The following DSCAM variants were observed in gnomAD, a reference collection of about 807,000 sequenced individuals.
The protein encoded by DSCAM is DS cell adhesion molecule.
In DSCAM, 47 loss-of-function variants were observed where a neutral mutation model predicts 217.7. The ratio of observed to expected loss-of-function variants is 0.22; its 90% CI spans 0.17 to 0.28. The LOEUF (loss-of-function observed/expected upper bound fraction) is 0.28. DSCAM is among the 10% of genes least tolerant of loss of function. DSCAM has a pLI of 1.00. For synonymous variants in DSCAM, 1,056 were observed against 1,015.3 expected, an observed-to-expected ratio of 1.04 and a Z score of -0.76; for missense variants, 2,080 against 2,618.3, an observed-to-expected ratio of 0.79 and a Z score of 4.49.
At chr21:40,659,478 CATCT>C (rs1400442600) in intron 3 of DSCAM, among the ~76,000 whole-genome samples, 12 of 151,978 alleles carry the variant, frequency 7.9e-5, no homozygotes, top group Non-Finnish European at 1.5e-5. Context: ...ATCTACTATC[CATCT>C]ATCTACTATT....
chr21:40,595,265 C>T (rs1201201257), intron 3 of DSCAM, among the ~76,000 whole-genome samples: 1 of 151,962 alleles, frequency 6.6e-6, no homozygotes, highest in Non-Finnish European at 1.5e-5. Flanking sequence ...GCAGTCCCAG[C>T]TACTCAGGAG....
chr21:40,788,079 C>T (rs1266703286), intron 1 of DSCAM, among the ~76,000 whole-genome samples: 2 of 152,230 alleles, frequency 1.3e-5, no homozygotes, highest in African/African-American at 4.8e-5. Flanking sequence ...CAGAATAAAA[C>T]ATGCTGTCCA....
rs371132896 is a variant in DSCAM, at chr21:40,455,063, G to A, written c.509-85818C>T. On this transcript the variant is annotated intron_variant, in intron 3 of 32. Transcript: ENST00000400454. ...CTACTAATCTAGTTATGCTTTCCCCGCTCCAAATAAACCTTTTGCAAGTAC... is the reference window on the plus strand; with the variant it reads ...CTACTAATCTAGTTATGCTTTCCCCACTCCAAATAAACCTTTTGCAAGTAC... Among the ~76,000 whole-genome samples, 9 of 152,200 alleles carry A rather than the reference G, an allele frequency of 5.9e-5. 1 individual carries two copies. The East Asian group carries it at 9.7e-4, about 16-fold the overall frequency.
chr21:40,647,911 T>A (rs1404824216), intron 3 of DSCAM, among the ~76,000 whole-genome samples: 2 of 152,162 alleles, frequency 1.3e-5, no homozygotes, highest in Non-Finnish European at 2.9e-5. Flanking sequence ...GTCTTCCACA[T>A]TGAATGTGCC....
chr21:40,493,090 G>C (rs1209572887), intron 3 of DSCAM, among the ~76,000 whole-genome samples: 1 of 152,164 alleles, frequency 6.6e-6, no homozygotes, highest in African/African-American at 2.4e-5. Flanking sequence ...CATGCAGAAT[G>C]CTGAAAGAAA....
chr21:40,285,863 C>T (rs1029268404), intron 10 of DSCAM, among the ~76,000 whole-genome samples: 1 of 152,114 alleles, frequency 6.6e-6, no homozygotes, highest in African/African-American at 2.4e-5. Flanking sequence ...ATCTTATCAC[C>T]TAATTGGAAA....
Position 40,342,145 on chromosome 21 carries a change from T to C in DSCAM, c.1211-2730A>G, listed in dbSNP as rs184585047. ...ATTGTTATATTAGACTGTTTGCCTT[T>C]TTGTTTTTGATTTGTTGTGGAATAC... On this transcript the variant is annotated intron_variant, in intron 6 of 32. Coordinates refer to ENST00000400454, the MANE Select transcript of DSCAM (RefSeq NM_001389.5). Among the ~76,000 whole-genome samples the C allele has an allele frequency of 4.4e-3, 670 of 152,332 alleles. 7 individuals carry two copies. The highest frequency in any genetic ancestry group is 0.019 in the South Asian group (90 of 4,822).
intron 3 of DSCAM, among the ~76,000 whole-genome samples, chr21:40,587,313 T>C (rs2076953736): frequency 6.6e-6 from 1 of 152,220 alleles, no homozygotes. Context: ...GGGTTATAAC[T>C]CACATAATCA....
chr21:40,751,801 A>T (rs188651078), intron 1 of DSCAM, among the ~76,000 whole-genome samples: 153 of 152,286 alleles, frequency 1.0e-3, no homozygotes, highest in Non-Finnish European at 1.9e-4. Context: ...GTGTAAAAAA[A>T]ATTAAGTTAC....
intron 11 of DSCAM, among the ~76,000 whole-genome samples, chr21:40,273,648 C>T (rs1301464682): frequency 3.3e-5 from 5 of 152,186 alleles, no homozygotes; most frequent in Non-Finnish European, 5.9e-5. Context: ...GTTTCTTAGT[C>T]AACTGGGGCT....
At chr21:40,392,841 G>A (rs780723654) in intron 3 of DSCAM, among the ~76,000 whole-genome samples, 2 of 152,158 alleles carry the variant, frequency 1.3e-5, no homozygotes, top group African/African-American at 2.4e-5. Context: ...GCATGACACA[G>A]CTTGGCCAGA....
At chr21:40,218,621 G>A (rs79790864) in intron 11 of DSCAM, among the ~76,000 whole-genome samples, 2,652 of 151,356 alleles carry the variant, frequency 0.018, 40 homozygotes, top group Non-Finnish European at 0.025. Flanking sequence ...CTATACATGA[G>A]CTTGGGATTT....
chr21:40,620,364 G>A (rs886335607), intron 3 of DSCAM, among the ~76,000 whole-genome samples: 3 of 95,922 alleles, frequency 3.1e-5, no homozygotes, highest in African/African-American at 1.2e-4. Context: ...AGAGAAAAAA[G>A]AAAAAGAAAG....
chr21:40,800,433 C>T (rs2091729603), intron 1 of DSCAM, among the ~76,000 whole-genome samples: 1 of 151,954 alleles, frequency 6.6e-6, no homozygotes, highest in African/African-American at 2.4e-5. Flanking sequence ...GCTTAGAAGG[C>T]AAGAAAACTA....
At chr21:40,647,753 T>C (rs1392138707) in intron 3 of DSCAM, among the ~76,000 whole-genome samples, 1 of 152,242 alleles carries the variant, frequency 6.6e-6, no homozygotes, top group African/African-American at 2.4e-5. Context: ...CTATTTTTCA[T>C]TTCATAATGC....
chr21:40,624,367 T>C (rs1159559813), intron 3 of DSCAM, among the ~76,000 whole-genome samples: 4 of 152,190 alleles, frequency 2.6e-5, no homozygotes, highest in Non-Finnish European at 5.9e-5. Flanking sequence ...AAGAACTGCC[T>C]CATGCAAACA....
At chr21:40,158,076 C>T (rs575289050) in intron 16 of DSCAM, among the ~76,000 whole-genome samples, 16 of 152,188 alleles carry the variant, frequency 1.1e-4, no homozygotes, top group South Asian at 8.3e-4. Context: ...TAGGTATTTG[C>T]GAGGAGAATA....
intron 25 of DSCAM, among the ~76,000 whole-genome samples, chr21:40,079,443 G>T (rs551163940): frequency 6.6e-6 from 1 of 152,202 alleles, no homozygotes; most frequent in African/African-American, 2.4e-5. Context: ...ATCAATCCCC[G>T]ATCATTTGAC....
chr21:40,708,391 C>G (rs183924459), intron 2 of DSCAM, 63 bp downstream of exon 2: 680 of 1,328,322 alleles, frequency 5.1e-4, no homozygotes, highest in Non-Finnish European at 6.2e-4. Context: ...TGCTATGTGT[C>G]ATTGTCATTA....
Sources: allele counts gnomAD v4.1 joint callset (sites outside exome capture counted in the v4.1 genomes callset), GRCh38; gene constraint gnomAD v4.1.1; transcripts MANE v1.5; gene names NCBI Gene and HGNC (gene_info 2026-07-23, HGNC 2026-07-21).